Variants in CELSR1 observed in about 807,000 individuals in gnomAD.
The protein encoded by CELSR1 is cadherin EGF LAG seven-pass G-type receptor 1.
A neutral mutation model predicts 249.1 loss-of-function variants in CELSR1; 110 were observed. The observed-to-expected ratio is 0.44, with a 90% CI of 0.38 to 0.52. The LOEUF (loss-of-function observed/expected upper bound fraction) is 0.52, where lower values mean the gene tolerates loss of function less well. Among genes scored for constraint, CELSR1 ranks in the 20% least tolerant of loss-of-function variants. CELSR1 has a pLI of 0.00. For missense variants in CELSR1, 4,109 were observed against 4,296.4 expected (o/e 0.96, Z 1.22); for synonymous variants, 2,113 against 1,900.0 (o/e 1.11, Z -2.92).
chr22:46,522,165 G>A (rs1278614553), intron 1 of CELSR1, among the ~76,000 whole-genome samples: 1 of 152,122 alleles, frequency 6.6e-6, no homozygotes, highest in African/African-American at 2.4e-5. Context: ...TTACTCTGTT[G>A]TGCAGTCTGG....
In CELSR1 at chr22:46,423,779, C is replaced by CT. The variant is rs1263609080; in HGVS notation, c.4611+9613dup. Reference sequence around the variant, plus strand: ...CTGAGGTCAGGAGTTCGAGACCAGCCTGGCCAACATGGTGAAATCCCATCT... The same window carrying CT: ...CTGAGGTCAGGAGTTCGAGACCAGCCTTGGCCAACATGGTGAAATCCCATCT... On this transcript the variant is annotated intron_variant, in intron 5 of 34. Transcript: ENST00000674500. This position sits in a 1 kb window ranked among gnomAD's most constrained non-coding sequence, Gnocchi z 5.6. Among the ~76,000 whole-genome samples, 2 of 151,828 alleles carry CT rather than the reference C, an allele frequency of 1.3e-5. No individual in the cohort carries two copies. The highest frequency in any genetic ancestry group is 2.9e-5 in the Non-Finnish European group (2 of 67,978).
In CELSR1 at chr22:46,436,357, C is replaced by G. The variant is rs2079661044; in HGVS notation, c.4407-68G>C. 1 of 1,216,268 alleles carries G rather than the reference C, an allele frequency of 8.2e-7. No individual in the cohort carries two copies. The highest frequency in any genetic ancestry group is 1.2e-6 in the Non-Finnish European group (1 of 832,382). 75.3% of individuals were successfully genotyped at this position (1,216,268 alleles called of 1,614,324 possible). On this transcript the variant is annotated intron_variant, in intron 3 of 34. Coordinates refer to ENST00000674500, the MANE Select transcript of CELSR1 (RefSeq NM_001378328.1). This position sits in a 1 kb window ranked among gnomAD's most constrained non-coding sequence, Gnocchi z 5.9. ...GGGTCCAAAGGCTGCCTAGGAATGA[C>G]AAGTCCAGCCGGAGGAGGGCAAGCA...
In CELSR1 at chr22:46,419,217, T is replaced by G. The variant is rs2079437528; in HGVS notation, c.4612-7458A>C. ...CCAGGTGTTTTGGGAGCCTGGGAAT[T>G]ATATGGGGATTTGCTCAGAGGGGGG... On this transcript the variant is annotated intron_variant, in intron 5 of 34. Transcript: ENST00000674500. 2.0e-5 allele frequency among the ~76,000 whole-genome samples: 3 copies of G among 152,058 alleles called. No individual in the cohort carries two copies. In the South Asian group the frequency reaches 6.2e-4, roughly 32 times the overall value.
In CELSR1 at chr22:46,407,004, G is replaced by C. The variant is rs76263387; in HGVS notation, c.5226+1992C>G. Among the ~76,000 whole-genome samples the C allele has an allele frequency of 6.6e-6, 1 of 152,270 alleles. No homozygotes were observed. Among genetic ancestry groups the C allele is most frequent in the African/African-American group, 2.4e-5 (1 of 41,538 alleles). The stretch of plus-strand genomic sequence containing the variant: ...GGAGGGACTTCCTGACCGCAGGAGC[G>C]GGGAGGGGGGGTCATCCTGGGAGAA... On this transcript the variant is annotated intron_variant, in intron 9 of 34. Transcript: ENST00000674500. The surrounding 1 kb of genome is among the most constrained non-coding windows in gnomAD (Gnocchi z 4.8).
rs543197302 is a variant in CELSR1 at position 46,436,360 on chromosome 22, G to A, written c.4407-71C>T. ...TCCAAAGGCTGCCTAGGAATGACAA[G>A]TCCAGCCGGAGGAGGGCAAGCACGT... is the stretch of plus-strand genomic sequence containing the variant. On this transcript the variant is annotated intron_variant, in intron 3 of 34. Transcript: ENST00000674500. This position sits in a 1 kb window ranked among gnomAD's most constrained non-coding sequence, Gnocchi z 5.9. The A allele has an allele frequency of 8.4e-7, 1 of 1,191,692 alleles. No homozygotes were observed. The highest frequency in any genetic ancestry group is 1.9e-5 in the Admixed American group (1 of 53,090). 73.8% of individuals were successfully genotyped at this position (1,191,692 alleles called of 1,614,324 possible). A position where few individuals can be genotyped will look rare whatever the true frequency, so the allele number is the denominator to read the frequency against.
chr22:46,426,898 G>A (rs953993861), intron 5 of CELSR1, among the ~76,000 whole-genome samples: 2 of 152,206 alleles, frequency 1.3e-5, no homozygotes. Flanking sequence ...CCAGGACTCA[G>A]AGAAATCAAT....
chr22:46,507,857 G>A (rs1452230384), intron 1 of CELSR1, among the ~76,000 whole-genome samples: 2 of 19,870 alleles, frequency 1.0e-4, no homozygotes, highest in Non-Finnish European at 3.4e-4. Context: ...GCAGTCAGAG[G>A]AGGCACTGGG....
rs762275081 is a variant in CELSR1, at chr22:46,382,010, C to T, written c.6924G>A (p.Pro2308=). The change falls in exon 21 of 35, where the codon CCG becomes CCA. Residue 2308 remains proline, a synonymous_variant. Coordinates refer to ENST00000674500, the MANE Select transcript of CELSR1 (RefSeq NM_001378328.1). ...LLRPAGRRTT[P]QTTRPGPGTE... is the part of the protein sequence containing the mutation. The stretch of plus-strand genomic sequence containing the variant: ...TGCCAGGCCCCGGGCGCGTGGTCTG[C>T]GGGGTGGTCCTCCGGCCAGCCGGCC... 54 of 1,558,808 alleles carry T rather than the reference C, an allele frequency of 3.5e-5. No homozygotes were observed. The highest frequency in any genetic ancestry group is 7.2e-5 in the East Asian group (3 of 41,738).
In CELSR1 at chr22:46,526,580, G is replaced by A. The variant is rs2080740512; in HGVS notation, c.3544+7047C>T. 6.6e-6 allele frequency among the ~76,000 whole-genome samples: 1 copy of A among 152,172 alleles called. No homozygotes were observed. The highest frequency in any genetic ancestry group is 1.5e-5 in the Non-Finnish European group (1 of 68,028). ...CTAACCCATCACATCTCTGTCCCCA[G>A]GCTCTCCAACCGCCAGACGGCATCC... On this transcript the variant is annotated intron_variant, in intron 1 of 34. Coordinates refer to ENST00000674500, the MANE Select transcript of CELSR1 (RefSeq NM_001378328.1). This position sits in a 1 kb window ranked among gnomAD's most constrained non-coding sequence, Gnocchi z 4.7.
At chr22:46,394,334 G>A in intron 13 of CELSR1, 72 bp from the exon 14 acceptor site, 1 of 1,531,820 alleles carries the variant, frequency 6.5e-7, no homozygotes, top group Non-Finnish European at 8.8e-7. Flanking sequence ...GAGGCCTGCA[G>A]GCAGCATGGA....
At chr22:46,460,913 G>A (rs1796660238) in intron 2 of CELSR1, among the ~76,000 whole-genome samples, 2 of 152,190 alleles carry the variant, frequency 1.3e-5, no homozygotes, top group Admixed American at 1.3e-4. Flanking sequence ...AATTTGTTGA[G>A]CTTTTCCTGA....
At position 46,437,929 on chromosome 22, in the gene CELSR1, C is replaced by G. The variant is rs192136602; in HGVS notation, c.4406+1260G>C. Among the ~76,000 whole-genome samples the G allele has an allele frequency of 1.4e-3, 220 of 152,282 alleles. 2 individuals are homozygous for G. Among genetic ancestry groups the G allele is most frequent in the African/African-American group, 5.1e-3 (210 of 41,562 alleles). On this transcript the variant is annotated intron_variant, in intron 3 of 34. Transcript: ENST00000674500. This position sits in a 1 kb window ranked among gnomAD's most constrained non-coding sequence, Gnocchi z 4.9. ...GACGACGGGACCAACTCAGTGCAGGCTTGTTTCCTGAGACTCAGCCCCTGG... is the reference window on the plus strand; with the variant it reads ...GACGACGGGACCAACTCAGTGCAGGGTTGTTTCCTGAGACTCAGCCCCTGG...
chr22:46,534,600 G>A lies in CELSR1; in HGVS notation c.2571C>T (p.Ala857=). ...MMELDYENQV[A]YTLTIMAQDN... ...CCTGGGCCATGATGGTCAGCGTGTA[G>A]GCGACCTGGTTCTCATAGTCCAGCT... The change falls in exon 1 of 35, where the codon GCC becomes GCT. Residue 857 remains alanine (A), a synonymous_variant. Transcript: ENST00000674500. This position sits in a 1 kb window ranked among gnomAD's most constrained non-coding sequence, Gnocchi z 9.7. The A allele has an allele frequency of 1.2e-6, 2 of 1,613,928 alleles. No individual in the cohort carries two copies. Among genetic ancestry groups the A allele is most frequent in the Non-Finnish European group, 1.7e-6 (2 of 1,180,052 alleles).
chr22:46,444,641 A>G (rs2079796504), intron 2 of CELSR1, among the ~76,000 whole-genome samples: 1 of 152,210 alleles, frequency 6.6e-6, no homozygotes, highest in Non-Finnish European at 1.5e-5. Context: ...ATTTTCAGAA[A>G]GTAGCTGTAT....
intron 2 of CELSR1, chr22:46,462,922 C>T (rs954553259): frequency 5.3e-5 from 25 of 467,688 alleles, no homozygotes; most frequent in Non-Finnish European, 9.7e-5. Context: ...GAAATTTCTA[C>T]GGTGACAGGG....
intron 5 of CELSR1, among the ~76,000 whole-genome samples, chr22:46,420,255 T>C (rs2079452245): frequency 6.7e-6 from 1 of 150,224 alleles, no homozygotes; most frequent in Non-Finnish European, 1.5e-5. Flanking sequence ...CACACTCAAA[T>C]GCACTCGCCC....
rs1032419091 is a variant in CELSR1 at position 46,512,189 on chromosome 22, C to T, written c.3544+21438G>A. 6.6e-6 allele frequency among the ~76,000 whole-genome samples: 1 copy of T among 151,860 alleles called. No homozygotes were observed. Among genetic ancestry groups the T allele is most frequent in the African/African-American group, 2.4e-5 (1 of 41,160 alleles). On this transcript the variant is annotated intron_variant, in intron 1 of 34. Coordinates refer to ENST00000674500, the MANE Select transcript of CELSR1 (RefSeq NM_001378328.1). This position sits in a 1 kb window ranked among gnomAD's most constrained non-coding sequence, Gnocchi z 5.2. ...AAGCCCTTACTAAGCGTGCTGCCCT[C>T]GAGGGCTCACAGCTAGGGGCAGGTG...
chr22:46,397,277 C>CTTT (rs528088887), intron 12 of CELSR1, among the ~76,000 whole-genome samples: 33 of 78,722 alleles, frequency 4.2e-4, no homozygotes, highest in South Asian at 1.2e-3. Flanking sequence ...CTAATTTTTG[C>CTTT]TTTTTTTTTT....
chr22:46,369,589 G>T, intron 26 of CELSR1, 103 bp downstream of exon 26: 1 of 1,035,862 alleles, frequency 9.7e-7, no homozygotes, highest in South Asian at 1.5e-5. Flanking sequence ...CCTGCCCCCC[G>T]TCGGCTGCTC....
Sources: allele counts gnomAD v4.1 joint callset (sites outside exome capture counted in the v4.1 genomes callset), GRCh38; gene constraint gnomAD v4.1.1; non-coding constraint Gnocchi (gnomAD v3.1); transcripts MANE v1.5; gene names NCBI Gene and HGNC (gene_info 2026-07-23, HGNC 2026-07-21).